Variants in KLHDC9 observed in about 807,000 individuals in gnomAD.
The protein encoded by KLHDC9 is kelch domain-containing protein 9.
A neutral mutation model predicts 31.5 loss-of-function variants in KLHDC9; 26 were observed. The ratio of observed to expected loss-of-function variants is 0.83; its 90% CI spans 0.61 to 1.15. The LOEUF is 1.15. Among genes scored for constraint, KLHDC9 ranks in the 50% most tolerant of loss-of-function variants. KLHDC9 has a pLI of 0.00. For synonymous variants in KLHDC9, 176 were observed against 184.7 expected, an observed-to-expected ratio of 0.95 and a Z score of 0.38; for missense variants, 437 against 467.7, an observed-to-expected ratio of 0.93 and a Z score of 0.61.
chr1:161,099,116 A>G, intron 1 of KLHDC9, 54 bp downstream of exon 1: 3 of 1,558,348 alleles, frequency 1.9e-6, no homozygotes, highest in Non-Finnish European at 2.6e-6. Context: ...CTCGAAAAAC[A>G]AAAGCCTAAG....
In KLHDC9 at chr1:161,100,296, G is replaced by A; in HGVS notation, c.*72G>A. The stretch of plus-strand genomic sequence containing the variant: ...GCAAACCTATAAAGCGTTATCACCA[G>A]AGCTATCTGCTTCACTTCAAATGCT... On this transcript the variant is annotated 3_prime_UTR_variant, in exon 4 of 4. Transcript: ENST00000368011. 1.4e-6 allele frequency: 2 copies of A among 1,407,186 alleles called. No homozygotes were observed. Among genetic ancestry groups the A allele is most frequent in the Non-Finnish European group, 2.0e-6 (2 of 1,022,050 alleles). 87.2% of individuals were successfully genotyped at this position (1,407,186 alleles called of 1,614,324 possible).
In KLHDC9 at chr1:161,100,140, G is replaced by A; in HGVS notation, c.966G>A (p.Trp322Ter). ...MKRMGHRTCL[W>*]NDQLYLVGGF... ...GCATGGGCCATCGCACCTGCCTTTG[G>A]AATGATCAGCTTTACCTGGTTGGGG... The change falls in exon 4 of 4, where the codon TGG becomes TGA. Residue 322 changes from tryptophan to a stop codon, truncating the protein, a stop_gained. Transcript: ENST00000368011. LOFTEE classifies it high-confidence loss of function. 1 of 1,614,240 alleles carries A rather than the reference G, an allele frequency of 6.2e-7. No individual in the cohort carries two copies. Among genetic ancestry groups the A allele is most frequent in the Non-Finnish European group, 8.5e-7 (1 of 1,180,046 alleles).
chr1:161,099,867 G>T, intron 3 of KLHDC9, 71 bp downstream of exon 3: 2 of 1,468,768 alleles, frequency 1.4e-6, no homozygotes, highest in South Asian at 2.3e-5. Context: ...TACAGAAAGA[G>T]GATGGAGTGA....
At chr1:161,099,271 C>T (rs1433660743) in intron 1 of KLHDC9, 75 bp from the exon 2 acceptor site, 1 of 1,558,800 alleles carries the variant, frequency 6.4e-7, no homozygotes, top group South Asian at 1.1e-5. Flanking sequence ...TCTTCTCCAT[C>T]CATCCTTGGC....
At chr1:161,099,273 A>G in intron 1 of KLHDC9, 73 bp from the exon 2 acceptor site, 5 of 1,572,710 alleles carry the variant, frequency 3.2e-6, no homozygotes, top group Admixed American at 1.7e-5. Flanking sequence ...TTCTCCATCC[A>G]TCCTTGGCAA....
Position 161,099,605 on chromosome 1 carries a change from C to T in KLHDC9, c.695C>T (p.Pro232Leu). 1 of 1,614,196 alleles carries T rather than the reference C, an allele frequency of 6.2e-7. No individual in the cohort carries two copies. Among genetic ancestry groups the T allele is most frequent in the African/African-American group, 1.3e-5 (1 of 75,052 alleles). ...HWSHGKIKEEPPVAPHLMEQL... is the reference protein window; with the variant it reads ...HWSHGKIKEELPVAPHLMEQL... ...CCTTTCTTTCTCCCCAAGGAGGAAC[C>T]ACCTGTTGCTCCTCATTTGATGGAA... The change falls in exon 3 of 4, where the codon CCA (proline) becomes CTA (leucine). Residue 232 changes from proline to leucine, a missense_variant. Pro to Leu is a moderately conservative substitution (Grantham distance 98). Transcript: ENST00000368011.
Position 161,099,374 on chromosome 1 carries a change from T to G in KLHDC9, c.556T>G (p.Ser186Ala). Reference sequence around the variant, plus strand: ...CAAGCAAGAAGGCTGCCACACAGCCTCACGCTCAGGTCACTGTGCGGCCCT... The same window carrying G: ...CAAGCAAGAAGGCTGCCACACAGCCGCACGCTCAGGTCACTGTGCGGCCCT... ...CYKQEGCHTA[S>A]RSGHCAALLQ... Residue 186 changes from serine to alanine, a missense_variant, in exon 2 of 4, where the codon TCA becomes GCA. Coordinates refer to ENST00000368011, the MANE Select transcript of KLHDC9 (RefSeq NM_152366.5). 1 of 1,614,242 alleles carries G rather than the reference T, an allele frequency of 6.2e-7. No homozygotes were observed. The highest frequency in any genetic ancestry group is 1.3e-5 in the African/African-American group (1 of 75,058).
At position 161,100,293 on chromosome 1, in the gene KLHDC9, C is replaced by T; in HGVS notation, c.*69C>T. ...GTTGCAAACCTATAAAGCGTTATCA[C>T]CAGAGCTATCTGCTTCACTTCAAAT... On this transcript the variant is annotated 3_prime_UTR_variant, in exon 4 of 4. Coordinates refer to ENST00000368011, the MANE Select transcript of KLHDC9 (RefSeq NM_152366.5). The T allele has an allele frequency of 2.1e-6, 3 of 1,408,466 alleles. No homozygotes were observed. Among genetic ancestry groups the T allele is most frequent in the Middle Eastern group, 1.8e-4 (1 of 5,496 alleles). The allele number at this position is 1,408,466 out of a possible 1,614,324, so 87.2% of individuals were successfully genotyped here.
chr1:161,098,898 AG>A lies in KLHDC9; in HGVS notation c.366del (p.Thr123ProfsTer44), dbSNP rs776793577. 3 of 1,574,328 alleles carry A rather than the reference AG, an allele frequency of 1.9e-6. No homozygotes were observed. The highest frequency in any genetic ancestry group is 2.6e-6 in the Non-Finnish European group (3 of 1,161,764). On this transcript the variant is annotated frameshift_variant, in exon 1 of 4. Coordinates refer to ENST00000368011, the MANE Select transcript of KLHDC9 (RefSeq NM_152366.5). LOFTEE classifies it high-confidence loss of function. This position sits in a 1 kb window ranked among gnomAD's most constrained non-coding sequence, Gnocchi z 6.3. ...AGCGCGGTGTGTGGGAGGCGTGGAC[AG>A]GGACCCCTGGTGACTGCCCCCCCGC... ...TERGVWEAWT[G>X]TPGDCPPAGL...
Position 161,098,911 on chromosome 1 carries a change from G to T in KLHDC9, c.376G>T (p.Asp126Tyr). 6.4e-7 allele frequency: 1 copy of T among 1,571,698 alleles called. No homozygotes were observed. The highest frequency in any genetic ancestry group is 2.3e-5 in the East Asian group (1 of 43,096). ...VWEAWTGTPG[D>Y]CPPAGLSSHT... ...GGAGGCGTGGACAGGGACCCCTGGT[G>T]ACTGCCCCCCCGCCGGCCTCAGTAG... Residue 126 changes from aspartate to tyrosine, a missense_variant, in exon 1 of 4, where the codon GAC becomes TAC. Coordinates refer to ENST00000368011, the MANE Select transcript of KLHDC9 (RefSeq NM_152366.5). The surrounding 1 kb of genome is among the most constrained non-coding windows in gnomAD (Gnocchi z 6.3).
chr1:161,098,452 C>A lies in KLHDC9; in HGVS notation c.-84C>A. The A allele has an allele frequency of 7.8e-7, 1 of 1,288,714 alleles. No individual in the cohort carries two copies. The highest frequency in any genetic ancestry group is 1.0e-6 in the Non-Finnish European group (1 of 972,054). The allele number at this position is 1,288,714 out of a possible 1,614,324, so 79.8% of individuals were successfully genotyped here. On this transcript the variant is annotated 5_prime_UTR_variant, in exon 1 of 4. Transcript: ENST00000368011. This position sits in a 1 kb window ranked among gnomAD's most constrained non-coding sequence, Gnocchi z 6.3. ...GGTAGGGGGAGGTTCCCGGGGAAGC[C>A]CGCGGAAGGCGAGGTGCCTGGCCTG... is the stretch of plus-strand genomic sequence containing the variant.
In KLHDC9 at chr1:161,100,253, G is replaced by A. The variant is rs183041202; in HGVS notation, c.*29G>A. The stretch of plus-strand genomic sequence containing the variant: ...GTGCCAAGACACATCACTAAGCCTC[G>A]TTTTGTTTTGCTTTGTTGCAAACCT... On this transcript the variant is annotated 3_prime_UTR_variant, in exon 4 of 4. Coordinates refer to ENST00000368011, the MANE Select transcript of KLHDC9 (RefSeq NM_152366.5). The A allele has an allele frequency of 4.6e-3, 7,426 of 1,600,108 alleles. 26 individuals carry two copies. The highest frequency in any genetic ancestry group is 5.6e-3 in the Non-Finnish European group (6,578 of 1,169,766).
Position 161,098,469 on chromosome 1 carries a change from C to A in KLHDC9, c.-67C>A. The A allele has an allele frequency of 7.3e-7, 1 of 1,369,840 alleles. No homozygotes were observed. Among genetic ancestry groups the A allele is most frequent in the Non-Finnish European group, 9.7e-7 (1 of 1,036,040 alleles). The allele number at this position is 1,369,840 out of a possible 1,614,324, so 84.9% of individuals were successfully genotyped here. A position where few individuals can be genotyped will look rare whatever the true frequency, so the allele number is the denominator to read the frequency against. Reference sequence around the variant, plus strand: ...GGGGAAGCCCGCGGAAGGCGAGGTGCCTGGCCTGCCATGTAGGGGCTCGTT... The same window carrying A: ...GGGGAAGCCCGCGGAAGGCGAGGTGACTGGCCTGCCATGTAGGGGCTCGTT... On this transcript the variant is annotated 5_prime_UTR_variant, in exon 1 of 4. Coordinates refer to ENST00000368011, the MANE Select transcript of KLHDC9 (RefSeq NM_152366.5). The surrounding 1 kb of genome is among the most constrained non-coding windows in gnomAD (Gnocchi z 6.3).
At chr1:161,099,162 T>C (rs1252548913) in intron 1 of KLHDC9, 100 bp downstream of exon 1, 1 of 1,369,004 alleles carries the variant, frequency 7.3e-7, no homozygotes, top group Non-Finnish European at 1.0e-6. Flanking sequence ...CTCCTCACTC[T>C]AGCACCCTCC....
Position 161,098,932 on chromosome 1 carries a change from A to G in KLHDC9, c.397A>G (p.Ser133Gly), listed in dbSNP as rs1411913894. 1 of 1,580,350 alleles carries G rather than the reference A, an allele frequency of 6.3e-7. No homozygotes were observed. The highest frequency in any genetic ancestry group is 2.3e-5 in the East Asian group (1 of 43,594). Residue 133 changes from serine (S) to glycine (G), a missense_variant, in exon 1 of 4, where the codon AGT becomes GGT. By Grantham distance (56) the Ser-to-Gly change is moderately conservative. Transcript: ENST00000368011. The surrounding 1 kb of genome is among the most constrained non-coding windows in gnomAD (Gnocchi z 6.3). ...TPGDCPPAGL[S>G]SHTCTRISDR... The stretch of plus-strand genomic sequence containing the variant: ...TGGTGACTGCCCCCCCGCCGGCCTC[A>G]GTAGTCACACCTGCACCCGAATCTC...
rs377264447 is a variant in KLHDC9 at position 161,100,269 on chromosome 1, T to C, written c.*45T>C. 3.6e-5 allele frequency: 57 copies of C among 1,575,078 alleles called. No individual in the cohort carries two copies. The highest frequency in any genetic ancestry group is 5.4e-5 in the African/African-American group (4 of 74,158). ...CTAAGCCTCGTTTTGTTTTGCTTTG[T>C]TGCAAACCTATAAAGCGTTATCACC... On this transcript the variant is annotated 3_prime_UTR_variant, in exon 4 of 4. Transcript: ENST00000368011.
chr1:161,099,962 G>C (rs977381708), intron 3 of KLHDC9, 99 bp from the exon 4 acceptor site: 15 of 1,468,816 alleles, frequency 1.0e-5, no homozygotes, highest in East Asian at 2.3e-5. Context: ...TACAAATCAA[G>C]TGAGCAGAAA....
Position 161,099,410 on chromosome 1 carries a change from C to T in KLHDC9, c.592C>T (p.Pro198Ser), listed in dbSNP as rs772226634. The stretch of plus-strand genomic sequence containing the variant: ...TCACTGTGCGGCCCTGCTCCAAACT[C>T]CTGGACCCCATCCAGGTCATCAGCT... ...SGHCAALLQT[P>S]GPHPGHQLLL... is the part of the protein sequence containing the mutation. Residue 198 changes from proline (P) to serine (S), a missense_variant, in exon 2 of 4, where the codon CCT (proline) becomes TCT (serine). Transcript: ENST00000368011. The T allele has an allele frequency of 6.2e-7, 1 of 1,614,230 alleles. No individual in the cohort carries two copies. Among genetic ancestry groups the T allele is most frequent in the South Asian group, 1.1e-5 (1 of 91,090 alleles).
At position 161,098,643 on chromosome 1, in the gene KLHDC9, G is replaced by A. The variant is rs1437638351; in HGVS notation, c.108G>A (p.Leu36=). 9.9e-6 allele frequency: 16 copies of A among 1,612,340 alleles called. No individual in the cohort carries two copies. Among genetic ancestry groups the A allele is most frequent in the Non-Finnish European group, 1.4e-5 (16 of 1,179,214 alleles). The change falls in exon 1 of 4, where the codon CTG becomes CTA. Residue 36 remains leucine (L), a synonymous_variant. Coordinates refer to ENST00000368011, the MANE Select transcript of KLHDC9 (RefSeq NM_152366.5). This position sits in a 1 kb window ranked among gnomAD's most constrained non-coding sequence, Gnocchi z 6.3. ...GAGCTTTCCATTCATGCACCGAACT[G>A]CGGGGACGGTTCTATCTCGTAGGTG... ...LARAFHSCTE[L]RGRFYLVGGL...
Sources: gnomAD v4.1 joint callset for allele counts on GRCh38, gnomAD v4.1.1 for gene constraint, Gnocchi (gnomAD v3.1) non-coding constraint, MANE v1.5 for transcripts, NCBI Gene and HGNC (gene_info 2026-07-23, HGNC 2026-07-21) for gene names.